Variants in AXDND1 observed in about 807,000 individuals in gnomAD.
AXDND1 encodes axonemal dynein light chain domain containing 1.
Under a neutral mutation model 137.5 loss-of-function variants are expected in AXDND1, and 110 were observed. The ratio of observed to expected loss-of-function variants is 0.80; its 90% CI spans 0.69 to 0.94. The LOEUF (loss-of-function observed/expected upper bound fraction) is 0.94, where lower values mean the gene tolerates loss of function less well. AXDND1 is among the 40% of genes least tolerant of loss of function. AXDND1 has a pLI of 0.00. For missense variants in AXDND1, 1,191 were observed against 1,169.8 expected (o/e 1.02, Z -0.26); for synonymous variants, 414 against 399.7 (o/e 1.04, Z -0.43).
chr1:179,441,904 G>A (rs868051390), intron 15 of AXDND1, among the ~76,000 whole-genome samples: 49 of 152,312 alleles, frequency 3.2e-4, no homozygotes, highest in Non-Finnish European at 7.1e-4. Context: ...GCAAGTTCAC[G>A]CCAAGTGTTT....
intron 4 of AXDND1, among the ~76,000 whole-genome samples, chr1:179,378,187 T>C (rs1647612266): frequency 6.6e-6 from 1 of 151,870 alleles, no homozygotes; most frequent in Admixed American, 6.6e-5. Context: ...ATAATAATGA[T>C]AATAACAATC....
chr1:179,391,960 G>C (rs1650275525), intron 9 of AXDND1, among the ~76,000 whole-genome samples: 1 of 152,084 alleles, frequency 6.6e-6, no homozygotes, highest in Non-Finnish European at 1.5e-5. Flanking sequence ...AGTTTCCTGA[G>C]GCCTCCCCAG....
intron 16 of AXDND1, among the ~76,000 whole-genome samples, chr1:179,459,774 TTTTC>T (rs891264402): frequency 2.0e-5 from 3 of 150,488 alleles, no homozygotes; most frequent in South Asian, 2.1e-4. Flanking sequence ...TCTCTTTTCT[TTTTC>T]TTTATTTTCT....
chr1:179,531,843 AAGCTAC>A (rs927090911), intron 23 of AXDND1, among the ~76,000 whole-genome samples: 1 of 152,198 alleles, frequency 6.6e-6, no homozygotes, highest in Non-Finnish European at 1.5e-5. Flanking sequence ...GACTAACTGG[AAGCTAC>A]AGCACATAGG....
intron 11 of AXDND1, among the ~76,000 whole-genome samples, chr1:179,402,663 A>T (rs905786708): frequency 1.3e-5 from 2 of 152,102 alleles, no homozygotes; most frequent in Non-Finnish European, 2.9e-5. Flanking sequence ...AATTACTCCC[A>T]TCTTAAAAAC....
rs141836640 is a variant in AXDND1 at position 179,467,514 on chromosome 1, A to G, written c.1799-929A>G. Among the ~76,000 whole-genome samples, 37 of 152,364 alleles carry G rather than the reference A, an allele frequency of 2.4e-4. No homozygotes were observed. In the East Asian group the frequency reaches 6.7e-3, roughly 28 times the overall value. ...AAGTAATCTAGAGATGATTTAATGT[A>G]TACAAGAGGATGTGCATAGGTTATA... On this transcript the variant is annotated intron_variant, in intron 16 of 25. Coordinates refer to ENST00000367618, the MANE Select transcript of AXDND1 (RefSeq NM_144696.6).
At chr1:179,421,407 C>G (rs1454333969) in intron 12 of AXDND1, among the ~76,000 whole-genome samples, 1 of 108,364 alleles carries the variant, frequency 9.2e-6, no homozygotes, top group Non-Finnish European at 1.7e-5. Context: ...GAGACAGAGT[C>G]TTGCTCTTTC....
intron 11 of AXDND1, among the ~76,000 whole-genome samples, chr1:179,396,661 A>C (rs1251415769): frequency 1.3e-5 from 2 of 152,140 alleles, no homozygotes; most frequent in Non-Finnish European, 2.9e-5. Flanking sequence ...ATCTCAAAAA[A>C]AAAAAAACTT....
chr1:179,552,326 G>T, intron 25 of AXDND1: 1 of 512,448 alleles, frequency 2.0e-6, no homozygotes. Context: ...AAGAGGGATT[G>T]ATGTGTGTGG....
intron 12 of AXDND1, among the ~76,000 whole-genome samples, chr1:179,414,571 G>A (rs1400351245): frequency 1.3e-5 from 2 of 151,966 alleles, no homozygotes; most frequent in African/African-American, 2.4e-5. Context: ...GACTACAGGC[G>A]CCCGCCACCT....
intron 4 of AXDND1, among the ~76,000 whole-genome samples, chr1:179,371,648 T>C (rs1023946923): frequency 2.0e-5 from 3 of 152,070 alleles, no homozygotes; most frequent in African/African-American, 7.2e-5. Flanking sequence ...TCTTAGATTG[T>C]CAGGGTGGGC....
At chr1:179,460,550 T>C (rs995329657) in intron 16 of AXDND1, among the ~76,000 whole-genome samples, 3 of 152,212 alleles carry the variant, frequency 2.0e-5, no homozygotes, top group African/African-American at 7.2e-5. Context: ...TTTATAATCC[T>C]TTGGGTATAT....
At chr1:179,541,668 TATGCATAATAATATTGCATGATA>T (rs1396300620) in intron 25 of AXDND1, among the ~76,000 whole-genome samples, 1,402 of 138,086 alleles carry the variant, frequency 0.01, 36 homozygotes, top group Admixed American at 0.059. Flanking sequence ...TGCATGATAA[TATGCATAATAATATTGCATGATA>T]ATATGCATGA....
intron 21 of AXDND1, among the ~76,000 whole-genome samples, chr1:179,511,318 A>G (rs1669030760): frequency 6.9e-6 from 1 of 145,096 alleles, no homozygotes; most frequent in Admixed American, 7.1e-5. Flanking sequence ...TCATATACAT[A>G]ATATGATTTT....
intron 16 of AXDND1, among the ~76,000 whole-genome samples, chr1:179,447,243 C>T (rs7520806): frequency 0.45 from 68,463 of 152,082 alleles, 16,303 homozygotes; most frequent in East Asian, 0.76. Flanking sequence ...CCAGCATCTG[C>T]TATCATTCTA....
intron 11 of AXDND1, among the ~76,000 whole-genome samples, chr1:179,404,583 C>A (rs1007776386): frequency 6.6e-6 from 1 of 152,162 alleles, no homozygotes; most frequent in African/African-American, 2.4e-5. Context: ...TGAACAAACT[C>A]CTTGCATCCC....
chr1:179,422,132 T>C (rs1326717326), intron 12 of AXDND1, among the ~76,000 whole-genome samples: 3 of 152,140 alleles, frequency 2.0e-5, no homozygotes, highest in African/African-American at 2.4e-5. Flanking sequence ...CTGTTATCTG[T>C]ATTATTTCTT....
intron 20 of AXDND1, among the ~76,000 whole-genome samples, chr1:179,504,099 A>G (rs1006034506): frequency 3.9e-5 from 6 of 152,234 alleles, no homozygotes; most frequent in Non-Finnish European, 7.3e-5. Context: ...TCAGGGAAGC[A>G]ATAATATTTT....
chr1:179,523,744 C>T lies in AXDND1; in HGVS notation c.2497-1590C>T, dbSNP rs74565472. Among the ~76,000 whole-genome samples the T allele has an allele frequency of 7.8e-4, 119 of 151,970 alleles. No homozygotes were observed. In the East Asian group the frequency reaches 0.021, roughly 27 times the overall value. The stretch of plus-strand genomic sequence containing the variant: ...TTTTTCCCAATAGGTTTTTGGGGAA[C>T]AGGTCATAGTTGGTTACATGAGTAA... On this transcript the variant is annotated intron_variant, in intron 21 of 25. Transcript: ENST00000367618.
Sources: gnomAD v4.1 joint callset for allele counts (sites outside exome capture counted in the v4.1 genomes callset) on GRCh38, gnomAD v4.1.1 for gene constraint, MANE v1.5 for transcripts, NCBI Gene and HGNC (gene_info 2026-07-23, HGNC 2026-07-21) for gene names.